USP3: variants seen among roughly 807,000 people sequenced by gnomAD.
USP3 encodes the protein ubiquitin carboxyl-terminal hydrolase 3.
Under a neutral mutation model 72.3 loss-of-function variants are expected in USP3, and 20 were observed. The ratio of observed to expected loss-of-function variants is 0.28; its 90% CI spans 0.19 to 0.40. The LOEUF is 0.40. Ranked by LOEUF, USP3 falls within the 10% of genes least tolerant of loss-of-function variation. USP3 has a pLI of 1.00. For synonymous variants in USP3, 222 were observed against 225.3 expected, an observed-to-expected ratio of 0.99 and a Z score of 0.13; for missense variants, 479 against 633.9, an observed-to-expected ratio of 0.76 and a Z score of 2.62.
chr15:63,583,626 A>T (rs1291574671), intron 11 of USP3, among the ~76,000 whole-genome samples: 1 of 152,180 alleles, frequency 6.6e-6, no homozygotes, highest in African/African-American at 2.4e-5. Context: ...TGTACCCATT[A>T]AACAGTAACT....
At chr15:63,537,191 C>T in intron 3 of USP3, 35 bp downstream of exon 3, 3 of 1,604,004 alleles carry the variant, frequency 1.9e-6, no homozygotes, top group Non-Finnish European at 2.6e-6. Flanking sequence ...AGATTTCTTA[C>T]TGTGTGCAAG....
intron 1 of USP3, chr15:63,532,443 C>T (rs765905039): frequency 6.5e-6 from 4 of 613,408 alleles, no homozygotes; most frequent in Admixed American, 2.8e-5. Context: ...TAAAATGAGC[C>T]GCTGTTGTGG....
At chr15:63,586,521 C>G (rs2067066651) in intron 11 of USP3, 1 of 152,234 alleles carries the variant, frequency 6.6e-6, no homozygotes, top group Non-Finnish European at 1.5e-5. Context: ...GCAGAGCTCA[C>G]AAGCACCATA....
intron 8 of USP3, among the ~76,000 whole-genome samples, chr15:63,568,926 A>G (rs1335320633): frequency 6.6e-6 from 1 of 152,200 alleles, no homozygotes; most frequent in Non-Finnish European, 1.5e-5. Flanking sequence ...ATGCATTTTG[A>G]TATAAGAAAA....
chr15:63,538,800 C>T (rs1567103103), intron 3 of USP3, among the ~76,000 whole-genome samples: 1 of 152,052 alleles, frequency 6.6e-6, no homozygotes, highest in African/African-American at 2.4e-5. Flanking sequence ...CCTGCCTCGG[C>T]CTCCCAAAGG....
At chr15:63,507,602 A>G (rs1451603453) in intron 1 of USP3, among the ~76,000 whole-genome samples, 1 of 152,230 alleles carries the variant, frequency 6.6e-6, no homozygotes, top group East Asian at 1.9e-4. Flanking sequence ...TTTATGCTGA[A>G]TGATGCTTTA....
Position 63,548,669 on chromosome 15 carries a change from A to G in USP3, c.285-5046A>G, listed in dbSNP as rs375763197. 4.0e-5 allele frequency among the ~76,000 whole-genome samples: 6 copies of G among 151,554 alleles called. No individual in the cohort carries two copies. In the South Asian group the frequency reaches 8.4e-4, roughly 21 times the overall value. ...ATTTTCATAAAGATGGAGTCTTGCTATGTTGCCCAGGCTGGCCTAAAATTG... is the reference window on the plus strand; with the variant it reads ...ATTTTCATAAAGATGGAGTCTTGCTGTGTTGCCCAGGCTGGCCTAAAATTG... On this transcript the variant is annotated intron_variant, in intron 3 of 14. Transcript: ENST00000380324.
intron 11 of USP3, among the ~76,000 whole-genome samples, chr15:63,581,348 TGTGTGTGTGTG>T (rs2066957090): frequency 9.5e-4 from 4 of 4,222 alleles, no homozygotes; most frequent in Non-Finnish European, 7.4e-4. Context: ...TTGGTTTTTG[TGTGTGTGTGTG>T]TGTGTGTGTG....
chr15:63,537,446 T>C (rs2066174768), intron 3 of USP3, among the ~76,000 whole-genome samples: 1 of 152,230 alleles, frequency 6.6e-6, no homozygotes, highest in Admixed American at 6.5e-5. Context: ...AATTTCTTTT[T>C]CTTGTGTTAT....
At chr15:63,520,993 C>A (rs1384057391) in intron 1 of USP3, among the ~76,000 whole-genome samples, 1 of 152,026 alleles carries the variant, frequency 6.6e-6, no homozygotes, top group Non-Finnish European at 1.5e-5. Context: ...TACCTAATGC[C>A]GGCCGCTCAC....
chr15:63,547,846 G>C lies in USP3; in HGVS notation c.285-5869G>C, dbSNP rs372474881. On this transcript the variant is annotated intron_variant, in intron 3 of 14. Transcript: ENST00000380324. ...AGAGAGAGAGAGAGAGGGAGGGAGG[G>C]AGAGAGAGAGAGAGAGGCATAGAGA... is the stretch of plus-strand genomic sequence containing the variant. Among the ~76,000 whole-genome samples, 91 of 89,706 alleles carry C rather than the reference G, an allele frequency of 1.0e-3. 3 individuals are homozygous for C. Among genetic ancestry groups the C allele is most frequent in the African/African-American group, 4.5e-3 (87 of 19,182 alleles). The allele number at this position is 89,706 out of a possible 152,430, so 58.9% of individuals were successfully genotyped here. A position where few individuals can be genotyped will look rare whatever the true frequency, so the allele number is the denominator to read the frequency against.
chr15:63,556,258 A>C (rs2152670940), intron 4 of USP3: 1 of 154,642 alleles, frequency 6.5e-6, no homozygotes, highest in East Asian at 1.9e-4. Flanking sequence ...ATCTTTATTG[A>C]AATTAAGAAA....
At chr15:63,523,481 C>G (rs918844240) in intron 1 of USP3, among the ~76,000 whole-genome samples, 1 of 152,176 alleles carries the variant, frequency 6.6e-6, no homozygotes, top group Admixed American at 6.5e-5. Context: ...GAACAAATTC[C>G]TACAAAGGCA....
At chr15:63,534,908 T>TTTTATTTA (rs200099474) in intron 2 of USP3, among the ~76,000 whole-genome samples, 2,152 of 112,566 alleles carry the variant, frequency 0.019, 51 homozygotes, top group African/African-American at 0.057. Context: ...AGAGTTTGCC[T>TTTTATTTA]TTTATTTGTT....
At position 63,574,307 on chromosome 15, in the gene USP3, T is replaced by C; in HGVS notation, c.1016-16T>C. The C allele has an allele frequency of 1.3e-6, 2 of 1,572,132 alleles. No individual in the cohort carries two copies. Among genetic ancestry groups the C allele is most frequent in the Non-Finnish European group, 1.7e-6 (2 of 1,163,154 alleles). On this transcript the variant is annotated splice_polypyrimidine_tract_variant and intron_variant, in intron 10 of 14. Coordinates refer to ENST00000380324, the MANE Select transcript of USP3 (RefSeq NM_006537.4). This position sits in a 1 kb window ranked among gnomAD's most constrained non-coding sequence, Gnocchi z 4.6. Reference sequence around the variant, plus strand: ...TGCCTTTAACAGCTCTCTGTTTACCTCTCTCTCCTTTTAAGACCTTTCATT... The same window carrying C: ...TGCCTTTAACAGCTCTCTGTTTACCCCTCTCTCCTTTTAAGACCTTTCATT...
At chr15:63,559,777 T>C in intron 6 of USP3, 80 bp from the exon 7 acceptor site, 1 of 1,219,068 alleles carries the variant, frequency 8.2e-7, no homozygotes, top group South Asian at 1.6e-5. Flanking sequence ...AGTTTCAAAA[T>C]GTATATGTAG....
intron 2 of USP3, among the ~76,000 whole-genome samples, chr15:63,535,211 G>A (rs1287646067): frequency 2.6e-5 from 4 of 152,162 alleles, no homozygotes; most frequent in South Asian, 4.1e-4. Flanking sequence ...GATTACAGGC[G>A]TGAGCCACTG....
rs1412645808 is a variant in USP3 at position 63,566,472 on chromosome 15, C to G, written c.761+3464C>G. Among the ~76,000 whole-genome samples the G allele has an allele frequency of 2.6e-5, 4 of 152,004 alleles. No individual in the cohort carries two copies. In the East Asian group the frequency reaches 7.7e-4, roughly 29 times the overall value. On this transcript the variant is annotated intron_variant, in intron 8 of 14. Coordinates refer to ENST00000380324, the MANE Select transcript of USP3 (RefSeq NM_006537.4). ...GGACTACAGGTGCGTGCCACCATAC[C>G]TGGCTAATTTTTTTGTATTTTTAAT...
At chr15:63,507,507 A>G (rs995417880) in intron 1 of USP3, among the ~76,000 whole-genome samples, 2 of 152,204 alleles carry the variant, frequency 1.3e-5, no homozygotes, top group Non-Finnish European at 2.9e-5. Context: ...AATAGGTGGT[A>G]TTAGAGGTCA....
Sources: allele counts gnomAD v4.1 joint callset (sites outside exome capture counted in the v4.1 genomes callset), GRCh38; gene constraint gnomAD v4.1.1; non-coding constraint Gnocchi (gnomAD v3.1); transcripts MANE v1.5; gene names NCBI Gene and HGNC (gene_info 2026-07-23, HGNC 2026-07-21).